The following NAV2 variants were observed in gnomAD, a reference collection of about 807,000 sequenced individuals.
NAV2 encodes helicase, APC down-regulated 1.
NAV2 carries 54 observed loss-of-function variants against 223.2 expected under a neutral mutation model. That is an observed-to-expected ratio of 0.24 (90% CI 0.19 to 0.30). The LOEUF is 0.30. NAV2 is among the 10% of genes least tolerant of loss of function. The probability of loss-of-function intolerance (pLI) is 1.00; values close to 1 mark genes in which losing one functional copy is unlikely to be tolerated. For synonymous variants in NAV2, 1,279 were observed against 1,239.3 expected, an observed-to-expected ratio of 1.03 and a Z score of -0.67; for missense variants, 2,806 against 3,147.5, an observed-to-expected ratio of 0.89 and a Z score of 2.60.
intron 11 of NAV2, chr11:20,023,186 C>T: frequency 4.0e-6 from 6 of 1,503,854 alleles, no homozygotes; most frequent in South Asian, 1.2e-5. Flanking sequence ...GGTGCATGTA[C>T]TGCCTTGTCT....
At position 19,524,586 on chromosome 11, in the gene NAV2, C is replaced by G. The variant is rs942892352; in HGVS notation, c.75+173559C>G. 3.9e-5 allele frequency among the ~76,000 whole-genome samples: 6 copies of G among 152,234 alleles called. No homozygotes were observed. The East Asian group carries it at 9.6e-4, about 24-fold the overall frequency. On this transcript the variant is annotated intron_variant, in intron 1 of 37. Transcript: ENST00000360655. ...TAGTGAGTTCAGCTCCCAGGGCTGC[C>G]GGCTATGGAGACAGTGAGCTGACGT...
intron 11 of NAV2, among the ~76,000 whole-genome samples, chr11:20,012,953 G>T (rs1197294065): frequency 6.6e-6 from 1 of 152,190 alleles, no homozygotes; most frequent in East Asian, 1.9e-4. Flanking sequence ...AACTTGGGAT[G>T]ATTATACCTA....
intron 10 of NAV2, among the ~76,000 whole-genome samples, chr11:19,963,331 A>C (rs541441980): frequency 6.6e-6 from 1 of 152,354 alleles, no homozygotes; most frequent in South Asian, 2.1e-4. Flanking sequence ...CACAGACAGT[A>C]ACTGGTGGAA....
chr11:19,989,739 G>A (rs997436283), intron 11 of NAV2, among the ~76,000 whole-genome samples: 2 of 152,076 alleles, frequency 1.3e-5, no homozygotes, highest in Non-Finnish European at 2.9e-5. Context: ...TGTTATCCTG[G>A]TTTCATAGAT....
chr11:19,616,304 CTGTGTGTG>C (rs113035353), intron 1 of NAV2, among the ~76,000 whole-genome samples: 61 of 140,702 alleles, frequency 4.3e-4, no homozygotes, highest in Non-Finnish European at 7.2e-4. Context: ...TTGCTTCTGA[CTGTGTGTG>C]TGTGTGTGTG....
chr11:19,784,721 C>A (rs916717987), intron 1 of NAV2, among the ~76,000 whole-genome samples: 1 of 152,150 alleles, frequency 6.6e-6, no homozygotes, highest in African/African-American at 2.4e-5. Flanking sequence ...CTGGGTTCCA[C>A]CACTATCTGT....
intron 1 of NAV2, among the ~76,000 whole-genome samples, chr11:19,614,932 A>G (rs2046750426): frequency 6.6e-6 from 1 of 152,068 alleles, no homozygotes; most frequent in African/African-American, 2.4e-5. Context: ...TTTCATTTTT[A>G]CTACCCAACA....
intron 6 of NAV2, among the ~76,000 whole-genome samples, chr11:19,895,876 G>C (rs2041934704): frequency 6.6e-6 from 1 of 152,042 alleles, no homozygotes; most frequent in African/African-American, 2.4e-5. Context: ...CACATGCAGA[G>C]TGAAATAACC....
intron 11 of NAV2, among the ~76,000 whole-genome samples, chr11:19,990,561 C>T (rs900949984): frequency 1.2e-4 from 18 of 151,776 alleles, no homozygotes; most frequent in South Asian, 2.1e-4. Flanking sequence ...TTGTTATGTA[C>T]GGTCTGTTCC....
intron 2 of NAV2, among the ~76,000 whole-genome samples, chr11:19,839,718 A>C (rs2060412517): frequency 1.3e-5 from 2 of 152,246 alleles, no homozygotes; most frequent in African/African-American, 4.8e-5. Flanking sequence ...TCTTTTGAAA[A>C]GTAATAAGCT....
chr11:19,596,144 A>G (rs2046201546), intron 1 of NAV2, among the ~76,000 whole-genome samples: 1 of 152,208 alleles, frequency 6.6e-6, no homozygotes, highest in Admixed American at 6.5e-5. Context: ...TCTATTTTAT[A>G]GGACAATGTT....
chr11:19,491,955 A>AAGAG lies in NAV2; in HGVS notation c.75+140956_75+140959dup, dbSNP rs150403869. ...GTGTCTCAGGGAATAGGGAGACTCAAAGAGAGAGAGAGAGAGAGAGAGAGA... is the reference window on the plus strand; with the variant it reads ...GTGTCTCAGGGAATAGGGAGACTCAAAGAGAGAGAGAGAGAGAGAGAGAGAGAGA... On this transcript the variant is annotated intron_variant, in intron 1 of 37. Coordinates refer to the NAV2 transcript ENST00000360655. 2.0e-3 allele frequency among the ~76,000 whole-genome samples: 244 copies of AAGAG among 120,950 alleles called. 1 individual carries two copies. The highest frequency in any genetic ancestry group is 5.3e-3 in the African/African-American group (173 of 32,502). The allele number at this position is 120,950 out of a possible 152,430, so 79.3% of individuals were successfully genotyped here.
intron 1 of NAV2, among the ~76,000 whole-genome samples, chr11:19,538,905 A>ATATATATATC (rs1244717083): frequency 6.9e-5 from 9 of 130,954 alleles, no homozygotes; most frequent in African/African-American, 3.7e-4. Flanking sequence ...ATATATATAT[A>ATATATATATC]TATCTTTCCA....
intron 1 of NAV2, among the ~76,000 whole-genome samples, chr11:19,566,642 G>A (rs1466300684): frequency 3.3e-5 from 5 of 152,144 alleles, no homozygotes; most frequent in African/African-American, 9.7e-5. Flanking sequence ...CAGAACTGCC[G>A]GTTATGTAGG....
chr11:19,853,172 G>T (rs1309365434), intron 3 of NAV2, among the ~76,000 whole-genome samples: 1 of 152,160 alleles, frequency 6.6e-6, no homozygotes, highest in Non-Finnish European at 1.5e-5. Context: ...AGGAGCTGGG[G>T]AATTTGCATT....
rs1370569116 is a variant in NAV2, at chr11:20,054,243, G to A, written c.4642+3G>A. The A allele has an allele frequency of 6.2e-7, 1 of 1,607,944 alleles. No homozygotes were observed. Among genetic ancestry groups the A allele is most frequent in the Middle Eastern group, 1.7e-4 (1 of 6,026 alleles). The stretch of plus-strand genomic sequence containing the variant: ...AAGATTCAACTTTTCCCAGCTTGGT[G>A]AGTAGCCACTTGTCATTACCTATGT... On this transcript the variant is annotated splice_donor_region_variant and intron_variant, in intron 18 of 37. Coordinates refer to ENST00000349880, the MANE Select transcript of NAV2 (RefSeq NM_145117.5).
intron 1 of NAV2, among the ~76,000 whole-genome samples, chr11:19,367,876 G>T (rs1002854231): frequency 1.3e-5 from 2 of 152,186 alleles, no homozygotes; most frequent in South Asian, 4.1e-4. Context: ...ATACCCCAGA[G>T]CTGGAATAAA....
At chr11:19,722,559 G>A (rs578139133) in intron 1 of NAV2, among the ~76,000 whole-genome samples, 3 of 152,294 alleles carry the variant, frequency 2.0e-5, no homozygotes, top group Non-Finnish European at 2.9e-5. Flanking sequence ...CTTGGACTGC[G>A]ATTGCTTATT....
intron 1 of NAV2, among the ~76,000 whole-genome samples, chr11:19,735,815 C>CA (rs1555019343): frequency 5.3e-5 from 8 of 151,716 alleles, no homozygotes; most frequent in Non-Finnish European, 1.0e-4. Context: ...AATAGCATCA[C>CA]TTTTTTTTTC....
Sources: allele counts gnomAD v4.1 joint callset (sites outside exome capture counted in the v4.1 genomes callset), GRCh38; gene constraint gnomAD v4.1.1; transcripts MANE v1.5; gene names NCBI Gene and HGNC (gene_info 2026-07-23, HGNC 2026-07-21).